Variants in ALX4 observed in about 807,000 individuals in gnomAD.
The protein encoded by ALX4 is ALX homeobox 4, also known as homeobox protein aristaless-like 4.
ALX4 carries 22 observed loss-of-function variants against 40.6 expected under a neutral mutation model. The observed-to-expected ratio is 0.54, with a 90% CI of 0.39 to 0.77. The LOEUF (loss-of-function observed/expected upper bound fraction) is 0.77. Ranked by LOEUF, ALX4 falls within the 30% of genes least tolerant of loss-of-function variation. The pLI is 0.00. For missense variants in ALX4, 556 were observed against 564.8 expected (o/e 0.98, Z 0.16); for synonymous variants, 266 against 240.5 (o/e 1.11, Z -0.98).
chr11:44,280,036 C>T (rs1435425800), intron 1 of ALX4, among the ~76,000 whole-genome samples: 1 of 152,190 alleles, frequency 6.6e-6, no homozygotes, highest in South Asian at 2.1e-4. Context: ...AAATGTCTCT[C>T]GAGTAAATGA....
chr11:44,267,357 G>T (rs773340091), intron 3 of ALX4, 137 bp downstream of exon 3: 1,080 of 1,163,014 alleles, frequency 9.3e-4, no homozygotes, highest in Non-Finnish European at 1.2e-3. Flanking sequence ...GTATAAACAG[G>T]CACACCCCTG....
chr11:44,307,332 A>AG (rs1257154929), intron 1 of ALX4, among the ~76,000 whole-genome samples: 1 of 152,202 alleles, frequency 6.6e-6, no homozygotes, highest in Non-Finnish European at 1.5e-5. Context: ...GCCACGGGTT[A>AG]GGGGCAGTAG....
At chr11:44,305,905 G>T in intron 1 of ALX4, among the ~76,000 whole-genome samples, 1 of 152,274 alleles carries the variant, frequency 6.6e-6, no homozygotes, top group East Asian at 1.9e-4. Flanking sequence ...TCTCGGGACA[G>T]GTAGACTAGG....
intron 1 of ALX4, among the ~76,000 whole-genome samples, chr11:44,275,975 TGAGCTC>T (rs1204053467): frequency 6.6e-6 from 1 of 152,208 alleles, no homozygotes; most frequent in East Asian, 1.9e-4. Flanking sequence ...TCACTGACCC[TGAGCTC>T]CTCTCTCTAG....
chr11:44,289,492 TA>T (rs1270185640), intron 1 of ALX4, among the ~76,000 whole-genome samples: 1 of 152,206 alleles, frequency 6.6e-6, no homozygotes, highest in African/African-American at 2.4e-5. Flanking sequence ...TGAAGATGAA[TA>T]ACTTGCTCAA....
chr11:44,283,422 T>C (rs1408956382), intron 1 of ALX4, among the ~76,000 whole-genome samples: 1 of 152,208 alleles, frequency 6.6e-6, no homozygotes, highest in Non-Finnish European at 1.5e-5. Flanking sequence ...ATGGTAAGCA[T>C]TCACTAGAGA....
At chr11:44,269,412 T>A (rs940066324) in intron 2 of ALX4, among the ~76,000 whole-genome samples, 4 of 152,218 alleles carry the variant, frequency 2.6e-5, no homozygotes, top group African/African-American at 9.6e-5. Context: ...ATGTATCTCA[T>A]GTTACTGTGA....
In ALX4 at chr11:44,261,131, G is replaced by T. The variant is rs753339429; in HGVS notation, c.*3723C>A. 1 of 152,120 alleles carries T rather than the reference G, an allele frequency of 6.6e-6. No individual in the cohort carries two copies. Among genetic ancestry groups the T allele is most frequent in the Non-Finnish European group, 1.5e-5 (1 of 68,060 alleles). The allele number at this position is 152,120 out of a possible 1,614,324, so 9.4% of individuals were successfully genotyped here. A position where few individuals can be genotyped will look rare whatever the true frequency, so the allele number is the denominator to read the frequency against. On this transcript the variant is annotated 3_prime_UTR_variant, in exon 4 of 4. Coordinates refer to ENST00000652299, the MANE Select transcript of ALX4 (RefSeq NM_021926.4). ...ATAGTCACAGAGTATTATCCTGGGG[G>T]CCAGTTTACCAACCATCCTCCCCCA...
At chr11:44,274,519 A>G (rs984100247) in intron 2 of ALX4, among the ~76,000 whole-genome samples, 12 of 141,928 alleles carry the variant, frequency 8.5e-5, no homozygotes, top group African/African-American at 2.7e-4. Context: ...GTTGAGTTCC[A>G]TTGGAATGTG....
intron 1 of ALX4, among the ~76,000 whole-genome samples, chr11:44,283,350 A>G (rs1590695350): frequency 6.6e-6 from 1 of 152,238 alleles, no homozygotes; most frequent in Non-Finnish European, 1.5e-5. Context: ...AACAAAAACT[A>G]AATTAAAAGT....
intron 1 of ALX4, among the ~76,000 whole-genome samples, chr11:44,284,627 C>T (rs78246270): frequency 0.066 from 10,083 of 152,250 alleles, 454 homozygotes; most frequent in Non-Finnish European, 0.099. Context: ...ACCAGACTCA[C>T]GGACTTACAC....
At chr11:44,281,687 G>A (rs562239104) in intron 1 of ALX4, among the ~76,000 whole-genome samples, 54 of 152,170 alleles carry the variant, frequency 3.5e-4, no homozygotes, top group Non-Finnish European at 6.6e-4. Context: ...GTGGGGGTGA[G>A]GGCGGAGGTT....
chr11:44,295,568 C>T (rs188031127), intron 1 of ALX4, among the ~76,000 whole-genome samples: 1 of 152,314 alleles, frequency 6.6e-6, no homozygotes, highest in East Asian at 1.9e-4. Context: ...TCCCTGGAGC[C>T]CCAGCCCCTG....
At chr11:44,279,731 C>A (rs1346728432) in intron 1 of ALX4, among the ~76,000 whole-genome samples, 1 of 152,172 alleles carries the variant, frequency 6.6e-6, no homozygotes, top group African/African-American at 2.4e-5. Context: ...TGTTTTCCAT[C>A]CTCTGCTCAC....
chr11:44,303,336 GC>G (rs1387201797), intron 1 of ALX4, among the ~76,000 whole-genome samples: 4 of 152,204 alleles, frequency 2.6e-5, no homozygotes, highest in Non-Finnish European at 5.9e-5. Flanking sequence ...CGGCGCCAGT[GC>G]CCAGCAGCCT....
chr11:44,268,980 C>A (rs1184695102), intron 2 of ALX4, among the ~76,000 whole-genome samples: 5 of 152,268 alleles, frequency 3.3e-5, no homozygotes, highest in African/African-American at 1.2e-4. Context: ...TCAAGAAAGC[C>A]AACTTTCCTG....
At chr11:44,307,459 C>A (rs1051452462) in intron 1 of ALX4, among the ~76,000 whole-genome samples, 6 of 152,212 alleles carry the variant, frequency 3.9e-5, no homozygotes, top group African/African-American at 1.4e-4. Context: ...GGAGGCCAGG[C>A]CTCTCCGCCT....
intron 1 of ALX4, among the ~76,000 whole-genome samples, chr11:44,296,293 T>C (rs1387856364): frequency 6.6e-6 from 1 of 152,176 alleles, no homozygotes; most frequent in Non-Finnish European, 1.5e-5. Flanking sequence ...TTATGTTACG[T>C]CATATTCAAA....
chr11:44,284,502 G>T (rs977992546), intron 1 of ALX4, among the ~76,000 whole-genome samples: 3 of 152,198 alleles, frequency 2.0e-5, no homozygotes, highest in African/African-American at 7.2e-5. Flanking sequence ...TTCAAATGCA[G>T]ATTTGACTGA....
Sources: gnomAD v4.1 joint callset for allele counts (sites outside exome capture counted in the v4.1 genomes callset) on GRCh38, gnomAD v4.1.1 for gene constraint, MANE v1.5 for transcripts, NCBI Gene and HGNC (gene_info 2026-07-23, HGNC 2026-07-21) for gene names.